Variants in NSD2 observed in about 807,000 individuals in gnomAD.
NSD2 encodes histone-lysine N-methyltransferase NSD2.
In NSD2, 12 loss-of-function variants were observed where a neutral mutation model predicts 139.0. The ratio of observed to expected loss-of-function variants is 0.09; its 90% CI spans 0.06 to 0.14. The LOEUF (loss-of-function observed/expected upper bound fraction) is 0.14, where lower values mean the gene tolerates loss of function less well. Among genes scored for constraint, NSD2 ranks in the 10% least tolerant of loss-of-function variants. The pLI is 1.00. For missense variants in NSD2, 1,155 were observed against 1,745.0 expected (o/e 0.66, Z 6.02); for synonymous variants, 669 against 648.7 (o/e 1.03, Z -0.48).
intron 5 of NSD2, among the ~76,000 whole-genome samples, 200 bp from the exon 6 acceptor site, chr4:1,930,426 A>G (rs1025109108): frequency 6.6e-6 from 1 of 152,214 alleles, no homozygotes; most frequent in Admixed American, 6.5e-5. Context: ...GCACTATTCT[A>G]ATTTATGAGT....
intron 1 of NSD2, among the ~76,000 whole-genome samples, chr4:1,890,786 C>T (rs570620419): frequency 4.3e-4 from 65 of 151,980 alleles, no homozygotes; most frequent in African/African-American, 1.5e-3. Context: ...TTAGTAGAGA[C>T]GGGGTTTCAC....
chr4:1,878,431 T>A (rs1219445159), intron 1 of NSD2, among the ~76,000 whole-genome samples: 1 of 151,840 alleles, frequency 6.6e-6, no homozygotes. Flanking sequence ...TTAATTATTC[T>A]GTTGCTATCT....
chr4:1,938,581 GGGCT>G, intron 8 of NSD2, 49 bp downstream of exon 8: 1 of 1,437,036 alleles, frequency 7.0e-7, no homozygotes, highest in Non-Finnish European at 9.7e-7. Context: ...TGCCCAGGCT[GGGCT>G]GGGTGGGTGG....
rs1355320485 is a variant in NSD2 at position 1,941,251 on chromosome 4, C to A, written c.1881+1473C>A. 12 of 1,055,764 alleles carry A rather than the reference C, an allele frequency of 1.1e-5. No individual in the cohort carries two copies. In the African/African-American group the frequency reaches 1.8e-4, roughly 16 times the overall value. 65.4% of individuals were successfully genotyped at this position (1,055,764 alleles called of 1,614,324 possible). A position where few individuals can be genotyped will look rare whatever the true frequency, so the allele number is the denominator to read the frequency against. On this transcript the variant is annotated intron_variant, in intron 9 of 21. Transcript: ENST00000508803. ...TTTTTCACTTAAGTTGAGATTTTTG[C>A]TTTAAAGAGCTTTTAATGAGTTTTT... is the stretch of plus-strand genomic sequence containing the variant.
At chr4:1,908,211 T>C (rs1190636997) in intron 3 of NSD2, among the ~76,000 whole-genome samples, 1 of 152,218 alleles carries the variant, frequency 6.6e-6, no homozygotes, top group East Asian at 1.9e-4. Context: ...TGCTTTAGCT[T>C]TCTCATGATC....
At position 1,955,302 on chromosome 4, in the gene NSD2, C is replaced by T. The variant is rs747861024; in HGVS notation, c.2480C>T (p.Ala827Val). 2 of 1,613,732 alleles carry T rather than the reference C, an allele frequency of 1.2e-6. No homozygotes were observed. Among genetic ancestry groups the T allele is most frequent in the Non-Finnish European group, 1.7e-6 (2 of 1,179,888 alleles). Reference sequence around the variant, plus strand: ...GCTCGGAAGGGGAAGCGACACCACGCCCACGTCAACGTGAGCTGGTGCTTC... The same window carrying T: ...GCTCGGAAGGGGAAGCGACACCACGTCCACGTCAACGTGAGCTGGTGCTTC... ...FTARKGKRHH[A>V]HVNVSWCFVC... The change falls in exon 13 of 22, where the codon GCC becomes GTC. Residue 827 changes from alanine to valine, a missense_variant. Physicochemically the swap from Ala to Val is moderately conservative, Grantham distance 64 (BLOSUM62 0). Around this residue, in one of 8 missense-constraint regions of NSD2, gnomAD observed 120 missense variants for 239.3 expected, o/e 0.50. Transcript: ENST00000508803. The surrounding 1 kb of genome is among the most constrained non-coding windows in gnomAD (Gnocchi z 4.7).
At position 1,878,168 on chromosome 4, in the gene NSD2, C is replaced by T. The variant is rs28693988; in HGVS notation, c.-30+6626C>T. ...CTCTGCTTCCTGGGTTCAAGCGGTTCTCCTGCCTCAGCCTCCCAAGTAGCT... is the reference window on the plus strand; with the variant it reads ...CTCTGCTTCCTGGGTTCAAGCGGTTTTCCTGCCTCAGCCTCCCAAGTAGCT... On this transcript the variant is annotated intron_variant, in intron 1 of 21. Coordinates refer to ENST00000508803, the MANE Select transcript of NSD2 (RefSeq NM_001042424.3). Among the ~76,000 whole-genome samples, 641 of 144,974 alleles carry T rather than the reference C, an allele frequency of 4.4e-3. 6 individuals carry two copies. The highest frequency in any genetic ancestry group is 0.015 in the African/African-American group (606 of 39,598).
intron 7 of NSD2, among the ~76,000 whole-genome samples, chr4:1,937,910 G>A (rs1722594353): frequency 6.6e-6 from 1 of 152,198 alleles, no homozygotes; most frequent in Non-Finnish European, 1.5e-5. Flanking sequence ...TTTTACTGAT[G>A]ATCTTTGTTC....
At chr4:1,950,997 G>T (rs550734352) in intron 9 of NSD2, 75 bp from the exon 10 acceptor site, 1 of 1,575,192 alleles carries the variant, frequency 6.3e-7, no homozygotes, top group South Asian at 1.2e-5. Context: ...GGGGCGGGAC[G>T]AGCCTGCCTG....
intron 3 of NSD2, among the ~76,000 whole-genome samples, chr4:1,905,118 G>T (rs1471992409): frequency 3.3e-5 from 5 of 151,544 alleles, no homozygotes; most frequent in Non-Finnish European, 7.4e-5. Flanking sequence ...CAACAACAGC[G>T]AAACTCTGTC....
intron 19 of NSD2, 96 bp downstream of exon 19, chr4:1,975,100 G>A (rs1726931009): frequency 6.3e-7 from 1 of 1,576,110 alleles, no homozygotes; most frequent in African/African-American, 1.4e-5. Context: ...AAGGCTCTGG[G>A]GGAGGTGGGT....
In NSD2 at chr4:1,953,508, C is replaced by G; in HGVS notation, c.2322C>G (p.Asn774Lys). The change falls in exon 12 of 22, where the codon AAC becomes AAG. Residue 774 changes from asparagine to lysine, a missense_variant. Physicochemically the swap from Asn to Lys is moderately conservative, Grantham distance 94 (BLOSUM62 0). This residue lies in a region of NSD2 where 120 missense variants were observed against 239.3 expected (regional missense o/e 0.50). Coordinates refer to ENST00000508803, the MANE Select transcript of NSD2 (RefSeq NM_001042424.3). The stretch of plus-strand genomic sequence containing the variant: ...GCTGCCATGCTTCCAACCCTTCAAA[C>G]CCAAGGCCGTCAAAAGGTACAGGTG... ...CVSCHASNPS[N>K]PRPSKGKMMR... 6.2e-7 allele frequency: 1 copy of G among 1,611,508 alleles called. No individual in the cohort carries two copies. Among genetic ancestry groups the G allele is most frequent in the Non-Finnish European group, 8.5e-7 (1 of 1,178,928 alleles).
At chr4:1,929,422 C>CAG (rs1721363842) in intron 5 of NSD2, among the ~76,000 whole-genome samples, 2 of 152,092 alleles carry the variant, frequency 1.3e-5, no homozygotes, top group South Asian at 4.2e-4. Context: ...AGAGTGGAGG[C>CAG]AGAGACAGTG....
chr4:1,893,532 TTTTG>T (rs1715808098), intron 1 of NSD2, among the ~76,000 whole-genome samples: 1 of 150,000 alleles, frequency 6.7e-6, no homozygotes, highest in Non-Finnish European at 1.5e-5. Flanking sequence ...TTGCCTCTTT[TTTTG>T]TTTTTTGTTT....
intron 18 of NSD2, among the ~76,000 whole-genome samples, chr4:1,966,534 G>A (rs1725905335): frequency 6.6e-6 from 1 of 151,934 alleles, no homozygotes; most frequent in South Asian, 2.1e-4. Context: ...GCAGGCGCCT[G>A]TAATCCCAGC....
At chr4:1,969,486 G>A (rs1726218274) in intron 18 of NSD2, among the ~76,000 whole-genome samples, 1 of 151,962 alleles carries the variant, frequency 6.6e-6, no homozygotes, top group South Asian at 2.1e-4. Flanking sequence ...AACCGCTTGA[G>A]CCCAGCCTGG....
At chr4:1,930,120 T>A (rs1167279996) in intron 5 of NSD2, among the ~76,000 whole-genome samples, 1 of 152,104 alleles carries the variant, frequency 6.6e-6, no homozygotes, top group Non-Finnish European at 1.5e-5. Context: ...GTTGTCTCCG[T>A]GTGCTGGCCT....
At position 1,938,416 on chromosome 4, in the gene NSD2, CTT is replaced by C. The variant is rs746279426; in HGVS notation, c.1675-11_1675-10del. 0.064 allele frequency: 20,220 copies of C among 316,518 alleles called. No individual in the cohort carries two copies. Among genetic ancestry groups the C allele is most frequent in the East Asian group, 0.095 (1,453 of 15,364 alleles). The allele number at this position is 316,518 out of a possible 1,614,324, so 19.6% of individuals were successfully genotyped here. ...TTTTTCTTTTCTTTTTTTTTTCTTTCTTTTTTTTTTTTTTTTTTTTTTTTTAA... is the reference window on the plus strand; with the variant it reads ...TTTTTCTTTTCTTTTTTTTTTCTTTCTTTTTTTTTTTTTTTTTTTTTTTAA... On this transcript the variant is annotated intron_variant, in intron 7 of 21. Transcript: ENST00000508803.
rs1722255951 is a variant in NSD2 at position 1,935,258 on chromosome 4, G to A, written c.1670G>A (p.Arg557Gln). 5 of 1,611,390 alleles carry A rather than the reference G, an allele frequency of 3.1e-6. No homozygotes were observed. Among genetic ancestry groups the A allele is most frequent in the Non-Finnish European group, 4.2e-6 (5 of 1,178,462 alleles). The change falls in exon 7 of 22, where the codon CGG (arginine) becomes CAG (glutamine). Residue 557 changes from arginine to glutamine, a missense_variant. Physicochemically the swap from Arg to Gln is conservative, Grantham distance 43 (BLOSUM62 1). Coordinates refer to ENST00000508803, the MANE Select transcript of NSD2 (RefSeq NM_001042424.3). ...CTCAGGACGGACAAGCACAGTCTTCGGAAGGTAATTGTGTTCCAGGTTTGC... is the reference window on the plus strand; with the variant it reads ...CTCAGGACGGACAAGCACAGTCTTCAGAAGGTAATTGTGTTCCAGGTTTGC... ...KRLRTDKHSL[R>Q]KRDTITDKTA...
Sources: gnomAD v4.1 joint callset for allele counts (sites outside exome capture counted in the v4.1 genomes callset) on GRCh38, gnomAD v4.1.1 for gene constraint, gnomAD v4.1.1 regional missense constraint, Gnocchi (gnomAD v3.1) non-coding constraint, MANE v1.5 for transcripts, NCBI Gene and HGNC (gene_info 2026-07-23, HGNC 2026-07-21) for gene names.